LRP1B: variants seen among roughly 807,000 people sequenced by gnomAD.
The protein encoded by LRP1B is LDL receptor related protein 1B.
LRP1B carries 217 observed loss-of-function variants against 556.6 expected under a neutral mutation model. The ratio of observed to expected loss-of-function variants is 0.39; its 90% confidence interval spans 0.35 to 0.44. The LOEUF is 0.44. Among genes scored for constraint, LRP1B ranks in the 20% least tolerant of loss-of-function variants. The pLI, the probability that LRP1B is intolerant of heterozygous loss-of-function variation, is 1.00. For missense variants in LRP1B, 5,053 were observed against 5,620.8 expected, an observed-to-expected ratio of 0.90 and a Z score of 3.23; for synonymous variants, 2,047 against 1,865.8, an observed-to-expected ratio of 1.10 and a Z score of -2.50.
chr2:141,738,150 G>C (rs1180880133), intron 2 of LRP1B, among the ~76,000 whole-genome samples: 1 of 152,010 alleles, frequency 6.6e-6, no homozygotes, highest in Non-Finnish European at 1.5e-5. Context: ...CTGTACATAT[G>C]AGAACATTAC....
chr2:141,127,857 T>A (rs1335626015), intron 7 of LRP1B, among the ~76,000 whole-genome samples: 2 of 152,334 alleles, frequency 1.3e-5, no homozygotes, highest in Admixed American at 1.3e-4. Flanking sequence ...ATTTTCCTGG[T>A]TTACTCTCTC....
chr2:140,530,555 A>G (rs1690646710), intron 47 of LRP1B, among the ~76,000 whole-genome samples: 1 of 152,128 alleles, frequency 6.6e-6, no homozygotes, highest in African/African-American at 2.4e-5. Context: ...TAAACTTAAA[A>G]TGAGAGAAAA....
intron 84 of LRP1B, among the ~76,000 whole-genome samples, chr2:140,293,430 C>T (rs1361068102): frequency 1.3e-5 from 2 of 152,128 alleles, no homozygotes; most frequent in African/African-American, 4.8e-5. Context: ...TTTATCTTTG[C>T]CTCTCCTCCC....
intron 35 of LRP1B, among the ~76,000 whole-genome samples, chr2:140,720,693 T>C (rs1270241432): frequency 6.6e-6 from 1 of 152,134 alleles, no homozygotes; most frequent in Non-Finnish European, 1.5e-5. Context: ...ATTCTTATGA[T>C]TAATTAACAA....
At chr2:140,892,766 T>C (rs984535467) in intron 23 of LRP1B, among the ~76,000 whole-genome samples, 1 of 152,120 alleles carries the variant, frequency 6.6e-6, no homozygotes, top group African/African-American at 2.4e-5. Context: ...TTGAGTGTAT[T>C]GATATGGTAG....
In LRP1B at chr2:141,386,292, T is replaced by A. The variant is rs146206613; in HGVS notation, c.343+94104A>T. Among the ~76,000 whole-genome samples the A allele has an allele frequency of 1.9e-4, 29 of 152,264 alleles. No homozygotes were observed. The East Asian group carries it at 5.4e-3, about 28-fold the overall frequency. On this transcript the variant is annotated intron_variant, in intron 3 of 90. Transcript: ENST00000389484. ...AAAACACTTATGGTTTCAAACATTT[T>A]GGATAAGGAATATTCAATCTGTAAT...
intron 7 of LRP1B, among the ~76,000 whole-genome samples, chr2:141,090,992 A>C (rs1008421561): frequency 6.6e-6 from 1 of 152,216 alleles, no homozygotes; most frequent in Non-Finnish European, 1.5e-5. Context: ...GATAACATTA[A>C]TTTTTAAAGT....
intron 26 of LRP1B, 131 bp from the exon 27 acceptor site, chr2:140,867,965 G>C: frequency 7.8e-7 from 1 of 1,284,394 alleles, no homozygotes; most frequent in East Asian, 2.6e-5. Context: ...ATCTGATTTG[G>C]GGCAAGCAAA....
At chr2:140,541,120 G>A (rs1396437364) in intron 44 of LRP1B, 22 bp from the exon 45 acceptor site, 3 of 1,582,574 alleles carry the variant, frequency 1.9e-6, no homozygotes, top group South Asian at 1.1e-5. Context: ...AGGGTGTATT[G>A]GTAACATTTT....
At chr2:140,909,540 T>A (rs1433411771) in intron 21 of LRP1B, among the ~76,000 whole-genome samples, 2 of 151,432 alleles carry the variant, frequency 1.3e-5, no homozygotes, top group Non-Finnish European at 1.5e-5. Context: ...ATTGACATAC[T>A]TCATTAGATT....
intron 20 of LRP1B, among the ~76,000 whole-genome samples, chr2:140,934,204 A>T (rs1490695078): frequency 1.3e-5 from 2 of 152,148 alleles, no homozygotes; most frequent in African/African-American, 4.8e-5. Context: ...GTCAAAAAAA[A>T]ATCAGGACAG....
At chr2:140,753,188 A>T (rs1688641368) in intron 35 of LRP1B, among the ~76,000 whole-genome samples, 1 of 152,218 alleles carries the variant, frequency 6.6e-6, no homozygotes, top group Admixed American at 6.5e-5. Flanking sequence ...TAGATCAAAG[A>T]AATTTCAACA....
chr2:141,230,978 C>A (rs146543912), intron 5 of LRP1B, among the ~76,000 whole-genome samples: 2,954 of 152,150 alleles, frequency 0.019, 45 homozygotes, highest in Admixed American at 0.044. Flanking sequence ...CATTCAATAC[C>A]GATTTTCTGA....
intron 80 of LRP1B, among the ~76,000 whole-genome samples, chr2:140,325,307 T>G (rs1291838804): frequency 3.3e-5 from 5 of 152,016 alleles, no homozygotes; most frequent in African/African-American, 9.7e-5. Flanking sequence ...TAGAGTTAAA[T>G]GGTCATTTTT....
Position 141,068,399 on chromosome 2 carries a change from G to A in LRP1B, c.1014-6126C>T, listed in dbSNP as rs1418098005. On this transcript the variant is annotated intron_variant, in intron 7 of 90. Transcript: ENST00000389484. ...TTTTATAGACAGGCTTGAGGAGGCG[G>A]TGTCTGATTTACATAGGGCCCAAAG... Among the ~76,000 whole-genome samples, 30 of 151,896 alleles carry A rather than the reference G, an allele frequency of 2.0e-4. 1 individual carries two copies. The highest frequency in any genetic ancestry group is 3.8e-4 in the Non-Finnish European group (26 of 67,958).
intron 6 of LRP1B, among the ~76,000 whole-genome samples, chr2:141,193,876 G>A (rs1351058978): frequency 6.6e-6 from 1 of 151,858 alleles, no homozygotes; most frequent in Non-Finnish European, 1.5e-5. Flanking sequence ...ATTCTCCTGG[G>A]GAATATACCT....
rs763077098 is a variant in LRP1B, at chr2:140,895,428, C to A, written c.3766+7492G>T. ...GGGGGTGGCTCGTTTACTCAGCCTG[C>A]GGCTCTCAACCCCTCGTGGGAAGGG... On this transcript the variant is annotated intron_variant, in intron 23 of 90. Transcript: ENST00000389484. Among the ~76,000 whole-genome samples the A allele has an allele frequency of 2.5e-4, 38 of 152,160 alleles. 1 individual carries two copies. The highest frequency in any genetic ancestry group is 7.3e-5 in the Non-Finnish European group (5 of 68,030).
At chr2:140,939,899 T>TC (rs1365600926) in intron 20 of LRP1B, among the ~76,000 whole-genome samples, 1 of 150,968 alleles carries the variant, frequency 6.6e-6, no homozygotes, top group Non-Finnish European at 1.5e-5. Flanking sequence ...TTTTTTTTTT[T>TC]TTTTGAGACA....
chr2:140,611,798 C>T (rs940625044), intron 41 of LRP1B, among the ~76,000 whole-genome samples: 1 of 152,010 alleles, frequency 6.6e-6, no homozygotes, highest in African/African-American at 2.4e-5. Context: ...AATAAGTTAC[C>T]TGTTACATGA....
Sources: allele counts gnomAD v4.1 joint callset (sites outside exome capture counted in the v4.1 genomes callset), GRCh38; gene constraint gnomAD v4.1.1; transcripts MANE v1.5; gene names NCBI Gene and HGNC (gene_info 2026-07-23, HGNC 2026-07-21).